Variants in UVRAG observed in about 807,000 individuals in gnomAD.
UVRAG encodes UV radiation resistance associated.
Under a neutral mutation model 78.0 loss-of-function variants are expected in UVRAG, and 19 were observed. The observed-to-expected ratio is 0.24, with a 90% CI of 0.17 to 0.36. UVRAG has a LOEUF of 0.36. Among genes scored for constraint, UVRAG ranks in the 10% least tolerant of loss-of-function variants. The probability of loss-of-function intolerance (pLI) is 1.00; values close to 1 mark genes in which losing one functional copy is unlikely to be tolerated. For missense variants in UVRAG, 740 were observed against 853.8 expected (o/e 0.87, Z 1.66); for synonymous variants, 323 against 324.6 (o/e 1.00, Z 0.05).
chr11:75,937,072 A>C (rs763558380), intron 6 of UVRAG, among the ~76,000 whole-genome samples: 2 of 152,206 alleles, frequency 1.3e-5, no homozygotes, highest in Non-Finnish European at 2.9e-5. Context: ...AATTTAAATA[A>C]TAAGAAAAGT....
chr11:76,066,536 G>A (rs1221146656), intron 13 of UVRAG, among the ~76,000 whole-genome samples: 4 of 151,906 alleles, frequency 2.6e-5, no homozygotes, highest in African/African-American at 7.3e-5. Flanking sequence ...GCAATGGCGC[G>A]ATCTCGGCTC....
At chr11:75,821,614 G>A (rs1326512222) in intron 1 of UVRAG, among the ~76,000 whole-genome samples, 1 of 152,174 alleles carries the variant, frequency 6.6e-6, no homozygotes, top group Non-Finnish European at 1.5e-5. Flanking sequence ...TGAGATTACA[G>A]CATGAGCCAC....
intron 12 of UVRAG, among the ~76,000 whole-genome samples, chr11:76,054,548 T>C (rs370307985): frequency 1.2e-4 from 19 of 152,186 alleles, no homozygotes; most frequent in African/African-American, 4.3e-4. Flanking sequence ...CCTGGTCCTT[T>C]TTCCCTTACT....
chr11:75,873,320 G>A (rs1360710739), intron 3 of UVRAG, among the ~76,000 whole-genome samples: 2 of 151,774 alleles, frequency 1.3e-5, no homozygotes, highest in African/African-American at 2.4e-5. Context: ...TCTTGTTGCA[G>A]CAAAGTGCCA....
chr11:75,926,665 A>G (rs555203180), intron 6 of UVRAG, among the ~76,000 whole-genome samples: 2 of 152,316 alleles, frequency 1.3e-5, no homozygotes, highest in South Asian at 4.1e-4. Flanking sequence ...TCATTAGATC[A>G]TATTTGGAGT....
intron 6 of UVRAG, among the ~76,000 whole-genome samples, chr11:75,953,915 T>A (rs1233884097): frequency 1.3e-5 from 2 of 152,320 alleles, no homozygotes; most frequent in Non-Finnish European, 1.5e-5. Context: ...TCACCCATAT[T>A]ACTACATGAT....
chr11:75,865,763 C>T (rs182218125), intron 3 of UVRAG, among the ~76,000 whole-genome samples: 8 of 151,982 alleles, frequency 5.3e-5, no homozygotes, highest in East Asian at 1.9e-4. Context: ...TACAGGTGCC[C>T]GCCAGCATGC....
chr11:75,853,386 C>T (rs966811557), intron 2 of UVRAG, among the ~76,000 whole-genome samples: 1 of 105,314 alleles, frequency 9.5e-6, no homozygotes, highest in African/African-American at 3.7e-5. Context: ...GACGGAGTTT[C>T]GCTGTGTCAC....
intron 6 of UVRAG, among the ~76,000 whole-genome samples, chr11:75,957,260 T>C (rs187897769): frequency 3.9e-5 from 6 of 152,174 alleles, no homozygotes; most frequent in Admixed American, 1.3e-4. Flanking sequence ...GGGGATGAGA[T>C]TGATTTTTTT....
chr11:75,929,503 T>C (rs1948186833), intron 6 of UVRAG, among the ~76,000 whole-genome samples: 2 of 152,110 alleles, frequency 1.3e-5, no homozygotes, highest in South Asian at 4.1e-4. Context: ...ATAGGGGGAT[T>C]TAGGCCCAAG....
rs1439074300 is a variant in UVRAG, at chr11:76,107,291, A to C, written c.1306-8633A>C. Among the ~76,000 whole-genome samples the C allele has an allele frequency of 5.6e-4, 85 of 152,236 alleles. 1 individual carries two copies. Among genetic ancestry groups the C allele is most frequent in the Non-Finnish European group, 1.1e-3 (73 of 68,038 alleles). ...TATAAAGAAAAGAGCCTGTAAGGGT[A>C]GAACTTGGCAGACTTGGATTCTGGT... is the stretch of plus-strand genomic sequence containing the variant. On this transcript the variant is annotated intron_variant, in intron 13 of 14. Transcript: ENST00000356136.
chr11:76,063,216 A>G, intron 12 of UVRAG, among the ~76,000 whole-genome samples: 1 of 152,250 alleles, frequency 6.6e-6, no homozygotes, highest in East Asian at 1.9e-4. Context: ...TGGAGCCTAC[A>G]GTATCATAAG....
chr11:76,098,414 A>AC (rs1292275622), intron 13 of UVRAG, among the ~76,000 whole-genome samples: 1 of 152,188 alleles, frequency 6.6e-6, no homozygotes, highest in Non-Finnish European at 1.5e-5. Flanking sequence ...CCAAGGTCAT[A>AC]CAGAGAGTAA....
intron 1 of UVRAG, among the ~76,000 whole-genome samples, chr11:75,838,521 A>G (rs1216044597): frequency 6.6e-6 from 1 of 151,736 alleles, no homozygotes; most frequent in Non-Finnish European, 1.5e-5. Flanking sequence ...AGTTTTTCAT[A>G]GAGACTCTCT....
At chr11:75,955,162 C>T (rs1948770197) in intron 6 of UVRAG, among the ~76,000 whole-genome samples, 1 of 152,106 alleles carries the variant, frequency 6.6e-6, no homozygotes, top group Non-Finnish European at 1.5e-5. Flanking sequence ...TTAGAGCTGT[C>T]TTTTTAAGAG....
At chr11:76,074,644 A>G in intron 13 of UVRAG, among the ~76,000 whole-genome samples, 1 of 152,220 alleles carries the variant, frequency 6.6e-6, no homozygotes, top group East Asian at 1.9e-4. Flanking sequence ...AGCTGCTGCT[A>G]TGCTGATTTC....
At chr11:75,865,010 G>A (rs1946506349) in intron 3 of UVRAG, among the ~76,000 whole-genome samples, 1 of 152,114 alleles carries the variant, frequency 6.6e-6, no homozygotes, top group Non-Finnish European at 1.5e-5. Context: ...AAAAGAGGCC[G>A]AGTGTGGTGG....
At chr11:76,010,960 A>G (rs963405764) in intron 11 of UVRAG, among the ~76,000 whole-genome samples, 3 of 152,170 alleles carry the variant, frequency 2.0e-5, no homozygotes, top group Non-Finnish European at 4.4e-5. Context: ...TAGGCTTTTA[A>G]AAGTCACTCT....
In UVRAG at chr11:75,952,160, A is replaced by G. The variant is rs929285679; in HGVS notation, c.594-9284A>G. Among the ~76,000 whole-genome samples, 4 of 152,304 alleles carry G rather than the reference A, an allele frequency of 2.6e-5. No homozygotes were observed. The South Asian group carries it at 8.3e-4, about 32-fold the overall frequency. On this transcript the variant is annotated intron_variant, in intron 6 of 14. Coordinates refer to ENST00000356136, the MANE Select transcript of UVRAG (RefSeq NM_003369.4). ...CTCTTGCAATTTGCCGAATTTACTC[A>G]TTAGTTCTAGTAGTTGGATTGTAGA...
Sources: allele counts gnomAD v4.1 joint callset (sites outside exome capture counted in the v4.1 genomes callset), GRCh38; gene constraint gnomAD v4.1.1; transcripts MANE v1.5; gene names NCBI Gene and HGNC (gene_info 2026-07-23, HGNC 2026-07-21).